Variants in SDK1 observed in about 807,000 individuals in gnomAD.
The protein encoded by SDK1 is protein sidekick-1.
A neutral mutation model predicts 245.5 loss-of-function variants in SDK1; 157 were observed. That is an observed-to-expected ratio of 0.64 (90% CI 0.56 to 0.73). The LOEUF is 0.73. SDK1 is among the 30% of genes least tolerant of loss of function. The pLI, the probability that SDK1 is intolerant of heterozygous loss-of-function variation, is 0.00. For synonymous variants in SDK1, 1,647 were observed against 1,278.5 expected (o/e 1.29, Z -6.15); for missense variants, 3,583 against 3,002.3 (o/e 1.19, Z -4.52).
At chr7:4,092,387 C>A (rs1170681997) in intron 22 of SDK1, among the ~76,000 whole-genome samples, 2 of 152,182 alleles carry the variant, frequency 1.3e-5, no homozygotes, top group Non-Finnish European at 2.9e-5. Context: ...CCATGGGCTC[C>A]CTGGTCCAGG....
intron 38 of SDK1, among the ~76,000 whole-genome samples, chr7:4,211,578 G>T (rs1784514780): frequency 6.6e-6 from 1 of 152,148 alleles, no homozygotes; most frequent in African/African-American, 2.4e-5. Context: ...TGCTGGGTCA[G>T]TGCACACCCT....
chr7:3,576,951 T>A (rs1267634006), intron 1 of SDK1, among the ~76,000 whole-genome samples: 2 of 152,042 alleles, frequency 1.3e-5, no homozygotes, highest in African/African-American at 4.8e-5. Flanking sequence ...AATAGTAGAC[T>A]TTTGATGTGT....
intron 5 of SDK1, among the ~76,000 whole-genome samples, chr7:3,900,707 C>T (rs371331049): frequency 4.6e-5 from 7 of 152,114 alleles, no homozygotes; most frequent in East Asian, 3.9e-4. Flanking sequence ...AGCATTTGGC[C>T]GCTTCGAGTC....
chr7:3,743,552 T>G (rs571543572), intron 4 of SDK1, among the ~76,000 whole-genome samples: 11 of 152,320 alleles, frequency 7.2e-5, no homozygotes, highest in African/African-American at 2.6e-4. Flanking sequence ...ACCTGTCTAC[T>G]TTACCAGAAT....
intron 4 of SDK1, among the ~76,000 whole-genome samples, chr7:3,706,535 G>A (rs1157214809): frequency 6.6e-6 from 1 of 152,120 alleles, no homozygotes; most frequent in Admixed American, 6.5e-5. Flanking sequence ...CCAAATAGCT[G>A]GGACTACAGG....
intron 4 of SDK1, among the ~76,000 whole-genome samples, chr7:3,728,615 T>C (rs1779082404): frequency 6.6e-6 from 1 of 152,202 alleles, no homozygotes; most frequent in Non-Finnish European, 1.5e-5. Context: ...AGTGGCTGTT[T>C]CTTTTTTTGA....
At chr7:3,544,496 G>C (rs1779155159) in intron 1 of SDK1, among the ~76,000 whole-genome samples, 1 of 152,184 alleles carries the variant, frequency 6.6e-6, no homozygotes, top group African/African-American at 2.4e-5. Context: ...TGCTCTCTTG[G>C]CTTAAGTTTC....
rs539950047 is a variant in SDK1, at chr7:3,606,730, A to C, written c.299-12350A>C. The stretch of plus-strand genomic sequence containing the variant: ...TTTAAAACAATCTTCCTTGTTGAAA[A>C]TTGCCACTTCTTCCCCAGATTTCTT... On this transcript the variant is annotated intron_variant, in intron 1 of 44. Coordinates refer to ENST00000404826, the MANE Select transcript of SDK1 (RefSeq NM_152744.4). Among the ~76,000 whole-genome samples the C allele has an allele frequency of 3.1e-4, 47 of 152,226 alleles. 1 individual carries two copies. The highest frequency in any genetic ancestry group is 9.8e-4 in the Admixed American group (15 of 15,300).
At chr7:3,532,775 A>C (rs973013059) in intron 1 of SDK1, among the ~76,000 whole-genome samples, 11 of 152,198 alleles carry the variant, frequency 7.2e-5, no homozygotes, top group African/African-American at 2.7e-4. Flanking sequence ...GGGTGACTAA[A>C]GCCTTGTCTA....
rs144749153 is a variant in SDK1, at chr7:4,166,296, A to G, written c.4800+4440A>G. On this transcript the variant is annotated intron_variant, in intron 32 of 44. Coordinates refer to ENST00000404826, the MANE Select transcript of SDK1 (RefSeq NM_152744.4). ...CTTGTGCCACCCACAGAGGACCAACACCTGCATGGAGTGCTGAGTTCCAGA... is the reference window on the plus strand; with the variant it reads ...CTTGTGCCACCCACAGAGGACCAACGCCTGCATGGAGTGCTGAGTTCCAGA... Among the ~76,000 whole-genome samples, 59 of 152,342 alleles carry G rather than the reference A, an allele frequency of 3.9e-4. No individual in the cohort carries two copies. The East Asian group carries it at 9.7e-3, about 25-fold the overall frequency.
At chr7:4,226,250 C>T (rs1030335269) in intron 40 of SDK1, among the ~76,000 whole-genome samples, 1 of 152,218 alleles carries the variant, frequency 6.6e-6, no homozygotes, top group Non-Finnish European at 1.5e-5. Context: ...CAGGGGCCCT[C>T]ACCGCTGGGT....
At chr7:3,900,566 A>T (rs1445421934) in intron 5 of SDK1, among the ~76,000 whole-genome samples, 1 of 152,184 alleles carries the variant, frequency 6.6e-6, no homozygotes. Flanking sequence ...TCCCACTGGA[A>T]GGCTGGAAAT....
rs2128539116 is a variant in SDK1, at chr7:3,301,592, C to T, written c.6C>T (p.Ala2=). The part of the protein sequence containing the change: M[A]RGARPSAAGG... ...CGGGGTGGCGGCTGCTCGGCATGGC[C>T]CGGGGCGCCCGGCCCTCGGCGGCCG... The change falls in exon 1 of 45, where the codon GCC becomes GCT. Residue 2 remains alanine (A), a synonymous_variant. Coordinates refer to ENST00000404826, the MANE Select transcript of SDK1 (RefSeq NM_152744.4). 2.1e-6 allele frequency: 2 copies of T among 971,530 alleles called. No homozygotes were observed. Among genetic ancestry groups the T allele is most frequent in the Non-Finnish European group, 2.4e-6 (2 of 821,316 alleles). 60.2% of individuals were successfully genotyped at this position (971,530 alleles called of 1,614,324 possible).
chr7:4,168,595 G>T (rs1485780464), intron 32 of SDK1, among the ~76,000 whole-genome samples: 1 of 152,098 alleles, frequency 6.6e-6, no homozygotes, highest in Non-Finnish European at 1.5e-5. Context: ...CACGCCACCT[G>T]AGCTTCCCTC....
chr7:3,856,394 A>G lies in SDK1; in HGVS notation c.847+34811A>G, dbSNP rs139598683. ...ATAAAATATCAGGTAGTTCAAATAG[A>G]TTAATAATCTCAGTAAATGTGACTA... On this transcript the variant is annotated intron_variant, in intron 5 of 44. Coordinates refer to ENST00000404826, the MANE Select transcript of SDK1 (RefSeq NM_152744.4). Among the ~76,000 whole-genome samples the G allele has an allele frequency of 1.0e-3, 158 of 151,568 alleles. 1 individual carries two copies. The East Asian group carries it at 0.024, about 23-fold the overall frequency.
intron 1 of SDK1, among the ~76,000 whole-genome samples, chr7:3,465,479 C>T (rs1281477268): frequency 1.3e-5 from 2 of 152,144 alleles, no homozygotes; most frequent in Non-Finnish European, 2.9e-5. Context: ...CTCTCTTGTG[C>T]CTCACATTAG....
At chr7:4,201,023 C>T (rs994935204) in intron 35 of SDK1, among the ~76,000 whole-genome samples, 1 of 152,186 alleles carries the variant, frequency 6.6e-6, no homozygotes, top group African/African-American at 2.4e-5. Context: ...TCCTGGTGGG[C>T]AGGGCAGATG....
At chr7:3,820,633 C>G (rs906295060) in intron 4 of SDK1, among the ~76,000 whole-genome samples, 1 of 152,160 alleles carries the variant, frequency 6.6e-6, no homozygotes, top group Admixed American at 6.5e-5. Flanking sequence ...GAGAGTCTTT[C>G]TATGGTATGA....
In SDK1 at chr7:4,172,845, C is replaced by A. The variant is rs141604930; in HGVS notation, c.4801-1377C>A. On this transcript the variant is annotated intron_variant, in intron 32 of 44. Coordinates refer to ENST00000404826, the MANE Select transcript of SDK1 (RefSeq NM_152744.4). ...TTCATCGGGTGTTCCCCCTGTGTGT[C>A]CTGTGTCCAAACTTCCCTCTTCTCA... 9.6e-4 allele frequency among the ~76,000 whole-genome samples: 146 copies of A among 152,286 alleles called. 1 individual carries two copies. The highest frequency in any genetic ancestry group is 1.9e-3 in the Non-Finnish European group (127 of 68,028).
Sources: allele counts gnomAD v4.1 joint callset (sites outside exome capture counted in the v4.1 genomes callset), GRCh38; gene constraint gnomAD v4.1.1; transcripts MANE v1.5; gene names NCBI Gene and HGNC (gene_info 2026-07-23, HGNC 2026-07-21).